TENM3: variants seen among roughly 807,000 people sequenced by gnomAD.
TENM3 encodes the protein teneurin-3.
In TENM3, 63 loss-of-function variants were observed where a neutral mutation model predicts 255.1. The ratio of observed to expected loss-of-function variants is 0.25; its 90% confidence interval spans 0.20 to 0.30. The LOEUF (loss-of-function observed/expected upper bound fraction) is 0.30. TENM3 is among the 10% of genes least tolerant of loss of function. TENM3 has a pLI of 1.00. For missense variants in TENM3, 2,929 were observed against 3,461.1 expected, an observed-to-expected ratio of 0.85 and a Z score of 3.86; for synonymous variants, 1,306 against 1,322.3, an observed-to-expected ratio of 0.99 and a Z score of 0.27.
the TENM3 span, among the ~76,000 whole-genome samples, chr4:181,848,481 G>A: frequency 6.6e-6 from 1 of 151,946 alleles, no homozygotes; most frequent in African/African-American, 2.4e-5. Context: ...GAAGGATGAT[G>A]GGTACTCAGT....
At chr4:181,899,991 T>C in the TENM3 span, among the ~76,000 whole-genome samples, 3 of 152,202 alleles carry the variant, frequency 2.0e-5, no homozygotes, top group Non-Finnish European at 4.4e-5. Flanking sequence ...TCATTTTATA[T>C]TGGTTGTAGT....
At chr4:182,716,688 G>A (rs1421674117) in intron 13 of TENM3, among the ~76,000 whole-genome samples, 1 of 152,168 alleles carries the variant, frequency 6.6e-6, no homozygotes, top group African/African-American at 2.4e-5. Flanking sequence ...AAACACGAAA[G>A]ATGGCAATGA....
chr4:181,601,218 G>A, the TENM3 span, among the ~76,000 whole-genome samples: 1 of 152,186 alleles, frequency 6.6e-6, no homozygotes, highest in Non-Finnish European at 1.5e-5. Context: ...AAGGCCAGCT[G>A]TCTGAAATCC....
chr4:182,005,668 C>T, the TENM3 span, among the ~76,000 whole-genome samples: 1 of 152,154 alleles, frequency 6.6e-6, no homozygotes, highest in African/African-American at 2.4e-5. Flanking sequence ...GCAGTATGGC[C>T]ATTTTCATGA....
At chr4:181,826,543 A>C in the TENM3 span, among the ~76,000 whole-genome samples, 84 of 152,334 alleles carry the variant, frequency 5.5e-4, no homozygotes, top group African/African-American at 1.9e-3. Context: ...CCTACTAAGC[A>C]CCAGGGCCAG....
chr4:182,714,486 C>T (rs775732758), intron 13 of TENM3, among the ~76,000 whole-genome samples: 7 of 152,162 alleles, frequency 4.6e-5, no homozygotes, highest in Non-Finnish European at 1.0e-4. Context: ...GTCCATTGTT[C>T]TCCATTCCTT....
the TENM3 span, among the ~76,000 whole-genome samples, chr4:181,523,472 C>T: frequency 6.6e-6 from 1 of 151,230 alleles, no homozygotes; most frequent in Admixed American, 6.6e-5. Context: ...GTGAGACAGC[C>T]AGGGAGGGTC....
At chr4:181,913,521 C>G in the TENM3 span, among the ~76,000 whole-genome samples, 1 of 152,158 alleles carries the variant, frequency 6.6e-6, no homozygotes, top group Admixed American at 6.5e-5. Context: ...AGGGTTAGAC[C>G]GCACAGTCTA....
At chr4:182,118,444 A>T in the TENM3 span, among the ~76,000 whole-genome samples, 46,720 of 151,570 alleles carry the variant, frequency 0.31, 8,299 homozygotes, top group Non-Finnish European at 0.41. Flanking sequence ...TTTAAATTTT[A>T]TTTTTTATTT....
chr4:182,607,661 A>G lies in TENM3; in HGVS notation c.749+6500A>G, dbSNP rs544750326. ...TACTGTACAATAGAGTGGGAGTGTT[A>G]TTTTGTTTAATTGGAGTGAACCAGT... On this transcript the variant is annotated intron_variant, in intron 4 of 27. Transcript: ENST00000511685. 7.9e-5 allele frequency among the ~76,000 whole-genome samples: 12 copies of G among 152,274 alleles called. No homozygotes were observed. In the East Asian group the frequency reaches 1.9e-3, roughly 25 times the overall value.
At chr4:181,751,911 C>G in the TENM3 span, among the ~76,000 whole-genome samples, 1 of 152,114 alleles carries the variant, frequency 6.6e-6, no homozygotes, top group African/African-American at 2.4e-5. Context: ...TCACAACTTG[C>G]CTGCAGGAGC....
chr4:182,621,482 G>T (rs1366515534), intron 4 of TENM3, among the ~76,000 whole-genome samples: 1 of 135,362 alleles, frequency 7.4e-6, no homozygotes. Context: ...TCAGTGGCTG[G>T]CCAGGCATGG....
At chr4:181,610,274 A>G in the TENM3 span, among the ~76,000 whole-genome samples, 12 of 152,204 alleles carry the variant, frequency 7.9e-5, no homozygotes, top group African/African-American at 1.2e-4. Context: ...GCTGTGTGTC[A>G]TTAGGTTCCT....
At chr4:181,848,534 G>A in the TENM3 span, among the ~76,000 whole-genome samples, 2 of 152,174 alleles carry the variant, frequency 1.3e-5, no homozygotes, top group African/African-American at 4.8e-5. Context: ...TGTTCTAGCT[G>A]CCTGTGTTAA....
chr4:182,335,309 A>AC (rs761016988), intron 2 of TENM3, among the ~76,000 whole-genome samples: 29,284 of 68,328 alleles, frequency 0.43, 5,872 homozygotes, highest in Non-Finnish European at 0.48. Flanking sequence ...CCATCCTGTG[A>AC]ATGGTGAAAC....
chr4:182,174,502 T>TCA (rs71605053), intron 1 of TENM3, among the ~76,000 whole-genome samples: 7,553 of 137,512 alleles, frequency 0.055, 252 homozygotes, highest in African/African-American at 0.077. Flanking sequence ...AGCTACTAAT[T>TCA]CACACACACA....
At chr4:182,106,718 C>T in the TENM3 span, among the ~76,000 whole-genome samples, 1 of 152,032 alleles carries the variant, frequency 6.6e-6, no homozygotes, top group African/African-American at 2.4e-5. Context: ...AATATGAGCA[C>T]CTTTGAAGCT....
chr4:182,337,632 A>C (rs922186037), intron 2 of TENM3, among the ~76,000 whole-genome samples: 1 of 152,242 alleles, frequency 6.6e-6, no homozygotes, highest in African/African-American at 2.4e-5. Context: ...TCTTATATAA[A>C]GTTAAAAATA....
At chr4:182,498,152 A>G (rs142836749) in intron 3 of TENM3, among the ~76,000 whole-genome samples, 7 of 152,248 alleles carry the variant, frequency 4.6e-5, no homozygotes, top group African/African-American at 1.4e-4. Flanking sequence ...CATAGTTAAA[A>G]AAGAGTTGAC....
Sources: gnomAD v4.1 joint callset for allele counts (sites outside exome capture counted in the v4.1 genomes callset) on GRCh38, gnomAD v4.1.1 for gene constraint, MANE v1.5 for transcripts, NCBI Gene and HGNC (gene_info 2026-07-23, HGNC 2026-07-21) for gene names.